C2orf92: variants seen among roughly 807,000 people sequenced by gnomAD.
C2orf92 encodes chromosome 2 open reading frame 92.
At chr2:97,692,619 A>G (rs1676175336) in intron 5 of C2orf92, among the ~76,000 whole-genome samples, 1 of 152,146 alleles carries the variant, frequency 6.6e-6, no homozygotes, top group African/African-American at 2.4e-5. Context: ...CATGTTGGCC[A>G]GGCTGGCCTC....
intron 3 of C2orf92, among the ~76,000 whole-genome samples, chr2:97,684,904 G>A (rs1427251994): frequency 6.6e-6 from 1 of 151,780 alleles, no homozygotes; most frequent in African/African-American, 2.4e-5. Flanking sequence ...CACTATTCAC[G>A]CTTCTTAGAA....
intron 3 of C2orf92, among the ~76,000 whole-genome samples, chr2:97,682,333 C>A (rs192510175): frequency 6.6e-6 from 1 of 152,070 alleles, no homozygotes; most frequent in East Asian, 1.9e-4. Context: ...AATTTTCCAA[C>A]GAAGAAAGTC....
upstream of C2orf92, chr2:97,669,157 A>G (rs1395213574): frequency 2.0e-5 from 3 of 152,248 alleles, no homozygotes; most frequent in African/African-American, 7.2e-5. Context: ...AAAACAGTTT[A>G]ATACTTATAA....
At chr2:97,694,271 G>T (rs1676232046) in intron 5 of C2orf92, among the ~76,000 whole-genome samples, 2 of 148,196 alleles carry the variant, frequency 1.3e-5, no homozygotes, top group African/African-American at 2.5e-5. Context: ...TTGAGACAGA[G>T]CCTCACTCTA....
At chr2:97,689,406 C>T (rs1262134702) in intron 4 of C2orf92, among the ~76,000 whole-genome samples, 2 of 152,156 alleles carry the variant, frequency 1.3e-5, no homozygotes, top group African/African-American at 4.8e-5. Flanking sequence ...TCATTAATAC[C>T]CCATTCAGTG....
At chr2:97,694,232 C>T (rs1392737640) in intron 5 of C2orf92, among the ~76,000 whole-genome samples, 2 of 150,374 alleles carry the variant, frequency 1.3e-5, no homozygotes, top group African/African-American at 4.9e-5. Context: ...TCAAAATGTC[C>T]TTTCTTTCTT....
At chr2:97,682,563 C>T (rs1046928934) in intron 3 of C2orf92, among the ~76,000 whole-genome samples, 3 of 152,076 alleles carry the variant, frequency 2.0e-5, no homozygotes, top group South Asian at 2.1e-4. Context: ...AAATCCTCAA[C>T]AGAACATTAG....
chr2:97,670,715 A>G (rs1030000657), intron 1 of C2orf92: 1 of 151,886 alleles, frequency 6.6e-6, no homozygotes, highest in Admixed American at 6.6e-5. Context: ...GGCATGTACC[A>G]CCACACCCAG....
At chr2:97,685,245 G>T (rs1259969982) in intron 3 of C2orf92, among the ~76,000 whole-genome samples, 12 of 148,718 alleles carry the variant, frequency 8.1e-5, no homozygotes, top group East Asian at 2.0e-4. Context: ...GGCTATTTTG[G>T]TTTTTTTCTT....
intron 3 of C2orf92, among the ~76,000 whole-genome samples, chr2:97,681,200 G>A (rs1018054550): frequency 2.7e-5 from 4 of 145,994 alleles, no homozygotes; most frequent in Non-Finnish European, 6.0e-5. Flanking sequence ...ATTAGACCTA[G>A]CAGACATATC....
At chr2:97,673,454 G>A (rs905945737) in intron 1 of C2orf92, among the ~76,000 whole-genome samples, 3 of 152,180 alleles carry the variant, frequency 2.0e-5, no homozygotes, top group South Asian at 2.1e-4. Context: ...GTCACACACT[G>A]GCCTACCAGG....
chr2:97,686,344 C>G (rs1354339562), intron 3 of C2orf92, among the ~76,000 whole-genome samples: 3 of 152,180 alleles, frequency 2.0e-5, no homozygotes, highest in East Asian at 3.9e-4. Flanking sequence ...CATTGGGAAT[C>G]AAATTTCCAG....
intron 3 of C2orf92, among the ~76,000 whole-genome samples, chr2:97,684,835 G>A (rs1675899098): frequency 6.6e-6 from 1 of 152,120 alleles, no homozygotes; most frequent in Non-Finnish European, 1.5e-5. Flanking sequence ...TATACAAATG[G>A]CCAATAAACA....
At position 97,688,974 on chromosome 2, in the gene C2orf92, A is replaced by G. The variant is rs1199209832; in HGVS notation, c.312A>G (p.Thr104=). 10 of 398,514 alleles carry G rather than the reference A, an allele frequency of 2.5e-5. No individual in the cohort carries two copies. Among genetic ancestry groups the G allele is most frequent in the Non-Finnish European group, 4.4e-5 (10 of 226,076 alleles). The allele number at this position is 398,514 out of a possible 1,614,324, so 24.7% of individuals were successfully genotyped here. The change falls in exon 4 of 8, where the codon ACA becomes ACG. Residue 104 remains threonine, a synonymous_variant. Transcript: ENST00000627399. ...FNEATAVRSI[T]KTDMRKGTSI... is the part of the protein sequence containing the mutation. ...AAGCAACAGCAGTCAGATCCATTAC[A>G]AAGACAGACATGAGAAAAGGCAAGT...
chr2:97,682,693 A>G (rs1355510269), intron 3 of C2orf92, among the ~76,000 whole-genome samples: 1 of 152,208 alleles, frequency 6.6e-6, no homozygotes. Context: ...CCACATTAAT[A>G]TAATGAAGGA....
chr2:97,667,882 G>A (rs1183637416), upstream of C2orf92: 1 of 152,120 alleles, frequency 6.6e-6, no homozygotes, highest in Non-Finnish European at 1.5e-5. Context: ...GAGAGGGAGA[G>A]AGAGTCCATT....
intron 1 of C2orf92, chr2:97,670,115 A>G (rs763562415): frequency 1.3e-4 from 38 of 297,282 alleles, no homozygotes; most frequent in Non-Finnish European, 8.6e-5. Context: ...AAACATATGC[A>G]AAAGTAGAAA....
chr2:97,685,898 TA>T (rs1342914410), intron 3 of C2orf92, among the ~76,000 whole-genome samples: 8 of 152,128 alleles, frequency 5.3e-5, no homozygotes, highest in African/African-American at 1.9e-4. Flanking sequence ...AAATAACAGA[TA>T]TTGGTGAGGA....
chr2:97,676,217 A>AC (rs1675571996), intron 3 of C2orf92, among the ~76,000 whole-genome samples: 1 of 151,742 alleles, frequency 6.6e-6, no homozygotes, highest in Non-Finnish European at 1.5e-5. Flanking sequence ...TAAAAGAGAC[A>AC]CCCCAGGCCC....
Sources: allele counts gnomAD v4.1 joint callset (sites outside exome capture counted in the v4.1 genomes callset), GRCh38; gene constraint gnomAD v4.1.1; transcripts MANE v1.5; gene names NCBI Gene and HGNC (gene_info 2026-07-23, HGNC 2026-07-21).